The following PACSIN2 variants were observed in gnomAD, a reference collection of about 807,000 sequenced individuals.
The protein encoded by PACSIN2 is protein kinase C and casein kinase substrate in neurons protein 2.
Under a neutral mutation model 63.8 loss-of-function variants are expected in PACSIN2, and 25 were observed. The ratio of observed to expected loss-of-function variants is 0.39; its 90% CI spans 0.29 to 0.55. The LOEUF (loss-of-function observed/expected upper bound fraction) is 0.55, where lower values mean the gene tolerates loss of function less well. PACSIN2 is among the 20% of genes least tolerant of loss of function. PACSIN2 has a pLI of 0.62. For missense variants in PACSIN2, 518 were observed against 646.9 expected (o/e 0.80, Z 2.16); for synonymous variants, 255 against 256.2 (o/e 1.00, Z 0.05).
chr22:42,975,777 T>G (rs567856896), intron 1 of PACSIN2, among the ~76,000 whole-genome samples: 6 of 152,008 alleles, frequency 3.9e-5, no homozygotes, highest in Admixed American at 1.3e-4. Context: ...AGCTAGGAGG[T>G]TGGCTCCCAG....
rs188532887 is a variant in PACSIN2, at chr22:42,990,175, A to G, written c.-78+24846T>C. On this transcript the variant is annotated intron_variant, in intron 1 of 10. Coordinates refer to ENST00000263246, the MANE Select transcript of PACSIN2 (RefSeq NM_001184970.3). ...AAAAGAATGATTTTTAAACACAGCT[A>G]ATTTCTGCAGTCAGTCAACGTGACT... 8.5e-5 allele frequency among the ~76,000 whole-genome samples: 13 copies of G among 152,092 alleles called. No homozygotes were observed. In the East Asian group the frequency reaches 2.5e-3, roughly 29 times the overall value.
chr22:42,983,471 CAG>C (rs1450500630), intron 1 of PACSIN2, among the ~76,000 whole-genome samples: 1 of 111,000 alleles, frequency 9.0e-6, no homozygotes, highest in Non-Finnish European at 1.6e-5. Flanking sequence ...GCCTGGACAA[CAG>C]AGTGAGACTC....
At chr22:42,885,367 G>A (rs771791814) in intron 5 of PACSIN2, among the ~76,000 whole-genome samples, 9 of 152,144 alleles carry the variant, frequency 5.9e-5, no homozygotes, top group Non-Finnish European at 1.0e-4. Context: ...TGGGATCATG[G>A]TCGTGTTGTC....
At position 42,882,316 on chromosome 22, in the gene PACSIN2, A is replaced by G. The variant is rs747953461; in HGVS notation, c.786-12T>C. The G allele has an allele frequency of 4.4e-6, 7 of 1,602,380 alleles. No individual in the cohort carries two copies. Among genetic ancestry groups the G allele is most frequent in the Non-Finnish European group, 6.0e-6 (7 of 1,173,028 alleles). On this transcript the variant is annotated splice_polypyrimidine_tract_variant and intron_variant, in intron 6 of 10. Coordinates refer to ENST00000263246, the MANE Select transcript of PACSIN2 (RefSeq NM_001184970.3). ...AAATGGCTTTGTAGCTAAATCAGAG[A>G]GAAACGTGGCTCTTTTAGAAGGCAG...
intron 2 of PACSIN2, among the ~76,000 whole-genome samples, chr22:42,911,552 C>T (rs111256326): frequency 0.026 from 3,940 of 152,258 alleles, 172 homozygotes; most frequent in African/African-American, 0.091. Flanking sequence ...TACAGACTGG[C>T]GGCAGATGCT....
rs144584550 is a variant in PACSIN2, at chr22:42,870,433, A to G, written c.*924T>C. The G allele has an allele frequency of 6.6e-6, 1 of 152,286 alleles. No homozygotes were observed. The highest frequency in any genetic ancestry group is 1.9e-4 in the East Asian group (1 of 5,184). 9.4% of individuals were successfully genotyped at this position (152,286 alleles called of 1,614,324 possible). A position where few individuals can be genotyped will look rare whatever the true frequency, so the allele number is the denominator to read the frequency against. On this transcript the variant is annotated 3_prime_UTR_variant, in exon 11 of 11. Coordinates refer to ENST00000263246, the MANE Select transcript of PACSIN2 (RefSeq NM_001184970.3). Reference sequence around the variant, plus strand: ...TTAAAAGCTGTTAAATCTCATTAAAACAGTAGACGAGTGCTTTAGATTCTC... The same window carrying G: ...TTAAAAGCTGTTAAATCTCATTAAAGCAGTAGACGAGTGCTTTAGATTCTC...
intron 1 of PACSIN2, among the ~76,000 whole-genome samples, chr22:42,965,968 G>C (rs1601587348): frequency 6.6e-6 from 1 of 152,112 alleles, no homozygotes; most frequent in Non-Finnish European, 1.5e-5. Flanking sequence ...ATGTGAAAAT[G>C]TGATAGGTCA....
intron 1 of PACSIN2, among the ~76,000 whole-genome samples, chr22:42,923,648 C>T (rs1932346570): frequency 2.0e-5 from 3 of 152,212 alleles, no homozygotes; most frequent in South Asian, 2.1e-4. Context: ...AGGATGGTCT[C>T]GATCTCCTGA....
At chr22:43,014,083 C>CCGAA (rs1421623173) in intron 1 of PACSIN2, among the ~76,000 whole-genome samples, 3 of 152,174 alleles carry the variant, frequency 2.0e-5, no homozygotes, top group Middle Eastern at 6.3e-3. Flanking sequence ...TCTGATGGAG[C>CCGAA]CGAAACCCAA....
At chr22:42,990,996 A>G (rs374456673) in intron 1 of PACSIN2, among the ~76,000 whole-genome samples, 2 of 152,106 alleles carry the variant, frequency 1.3e-5, no homozygotes, top group Non-Finnish European at 1.5e-5. Context: ...TGTTGTGAGG[A>G]CTCAACGGGT....
chr22:42,940,907 T>C (rs539439020), intron 1 of PACSIN2, among the ~76,000 whole-genome samples: 96 of 152,332 alleles, frequency 6.3e-4, no homozygotes, highest in African/African-American at 2.1e-3. Flanking sequence ...ATTAAGATAA[T>C]AATTCACACA....
intron 1 of PACSIN2, chr22:42,947,078 C>T (rs1244196630): frequency 1.3e-5 from 2 of 152,190 alleles, no homozygotes; most frequent in East Asian, 1.9e-4. Context: ...ACTCAAGAGA[C>T]GCACTTAAAC....
At chr22:42,982,205 T>C in intron 1 of PACSIN2, among the ~76,000 whole-genome samples, 1 of 81,348 alleles carries the variant, frequency 1.2e-5, no homozygotes, top group African/African-American at 5.5e-5. Context: ...TACTGGGAAG[T>C]GAGGAGCCCC....
intron 1 of PACSIN2, among the ~76,000 whole-genome samples, chr22:42,959,065 C>T (rs541982281): frequency 4.4e-4 from 67 of 152,222 alleles, no homozygotes; most frequent in African/African-American, 1.5e-3. Flanking sequence ...AGTGACAGCC[C>T]TCAGAGGGGG....
intron 2 of PACSIN2, among the ~76,000 whole-genome samples, chr22:42,900,278 T>C (rs1930587181): frequency 6.6e-6 from 1 of 152,236 alleles, no homozygotes; most frequent in East Asian, 1.9e-4. Flanking sequence ...TCGAGCACAT[T>C]AGCCTCACTT....
chr22:42,878,979 G>T, intron 8 of PACSIN2, 69 bp downstream of exon 8: 1 of 1,555,336 alleles, frequency 6.4e-7, no homozygotes, highest in South Asian at 1.2e-5. Context: ...GGCTGCCCTG[G>T]ACCATGCAGA....
intron 2 of PACSIN2, among the ~76,000 whole-genome samples, chr22:42,894,881 T>C (rs1413954073): frequency 6.6e-6 from 1 of 152,068 alleles, no homozygotes; most frequent in Non-Finnish European, 1.5e-5. Flanking sequence ...AGTTTTACCT[T>C]TTCTAAAATC....
intron 1 of PACSIN2, among the ~76,000 whole-genome samples, chr22:42,965,573 A>G (rs1306481646): frequency 1.3e-5 from 2 of 152,246 alleles, no homozygotes; most frequent in Non-Finnish European, 2.9e-5. Flanking sequence ...AAGAACCACA[A>G]AGTGCCTCAG....
chr22:42,941,880 G>A (rs1356273055), intron 1 of PACSIN2, among the ~76,000 whole-genome samples: 3 of 152,102 alleles, frequency 2.0e-5, no homozygotes, highest in African/African-American at 7.2e-5. Flanking sequence ...GGGTTCAAGC[G>A]ATTCTCCTGC....
Sources: gnomAD v4.1 joint callset for allele counts (sites outside exome capture counted in the v4.1 genomes callset) on GRCh38, gnomAD v4.1.1 for gene constraint, MANE v1.5 for transcripts, NCBI Gene and HGNC (gene_info 2026-07-23, HGNC 2026-07-21) for gene names.